Variants in SLC4A4 observed in about 807,000 individuals in gnomAD.
SLC4A4 encodes solute carrier family 4 member 4, also known as electrogenic sodium bicarbonate cotransporter 1.
A neutral mutation model predicts 111.5 loss-of-function variants in SLC4A4; 27 were observed. The observed-to-expected ratio is 0.24, with a 90% confidence interval of 0.18 to 0.33. SLC4A4 has a LOEUF of 0.33. SLC4A4 is among the 10% of genes least tolerant of loss of function. The pLI, the probability that SLC4A4 is intolerant of heterozygous loss-of-function variation, is 1.00. For missense variants in SLC4A4, 909 were observed against 1,315.5 expected (o/e 0.69, Z 4.78); for synonymous variants, 443 against 463.4 (o/e 0.96, Z 0.57).
chr4:71,512,356 A>G (rs1262172470), intron 16 of SLC4A4, among the ~76,000 whole-genome samples: 1 of 152,128 alleles, frequency 6.6e-6, no homozygotes, highest in Non-Finnish European at 1.5e-5. Flanking sequence ...GTAAGATGAT[A>G]TCTCATTGTA....
At chr4:71,254,828 C>A (rs1389864710) in intron 2 of SLC4A4, among the ~76,000 whole-genome samples, 1 of 152,028 alleles carries the variant, frequency 6.6e-6, no homozygotes, top group Non-Finnish European at 1.5e-5. Context: ...AGGGATTACC[C>A]AGTTTAAGTC....
intron 2 of SLC4A4, among the ~76,000 whole-genome samples, chr4:71,240,450 C>G (rs1720119629): frequency 6.6e-6 from 1 of 152,152 alleles, no homozygotes; most frequent in Non-Finnish European, 1.5e-5. Context: ...AAATGTGTCT[C>G]CATTTTTGAG....
intron 1 of SLC4A4, among the ~76,000 whole-genome samples, chr4:71,226,983 TA>T (rs1256903745): frequency 6.6e-6 from 1 of 152,098 alleles, no homozygotes; most frequent in Non-Finnish European, 1.5e-5. Context: ...AAAGAGCTCA[TA>T]ATGTGGTGGG....
At chr4:71,156,505 T>C (rs1235175838) in intron 2 of SLC4A4, among the ~76,000 whole-genome samples, 1 of 152,000 alleles carries the variant, frequency 6.6e-6, no homozygotes, top group African/African-American at 2.4e-5. Context: ...TTAAACTTAT[T>C]GGTATAAAGA....
At chr4:71,303,044 C>T (rs1464682090) in intron 3 of SLC4A4, among the ~76,000 whole-genome samples, 1 of 152,182 alleles carries the variant, frequency 6.6e-6, no homozygotes, top group East Asian at 1.9e-4. Context: ...GTATAAAAAT[C>T]AGGCTGTGCC....
intron 2 of SLC4A4, among the ~76,000 whole-genome samples, chr4:71,150,027 A>G (rs4694091): frequency 0.97 from 148,047 of 152,218 alleles, 72,122 homozygotes; most frequent in East Asian, 1. Flanking sequence ...TTTTATATAC[A>G]TGTGAATATA....
intron 2 of SLC4A4, among the ~76,000 whole-genome samples, chr4:71,105,746 C>T (rs1427215536): frequency 8.1e-6 from 1 of 124,084 alleles, no homozygotes; most frequent in Admixed American, 8.6e-5. Context: ...TGGATCCCTT[C>T]CTTACACCTT....
intron 7 of SLC4A4, among the ~76,000 whole-genome samples, chr4:71,433,013 T>A (rs563220628): frequency 6.6e-6 from 1 of 152,232 alleles, no homozygotes; most frequent in South Asian, 2.1e-4. Flanking sequence ...CCGAAATTCT[T>A]ATCTCCATTC....
At chr4:71,209,942 C>G (rs549409234) in intron 1 of SLC4A4, among the ~76,000 whole-genome samples, 1 of 152,262 alleles carries the variant, frequency 6.6e-6, no homozygotes, top group Non-Finnish European at 1.5e-5. Flanking sequence ...TTTTTGTGGT[C>G]TAACCATGAA....
chr4:71,490,012 A>G (rs1729758456), intron 15 of SLC4A4, among the ~76,000 whole-genome samples: 1 of 151,852 alleles, frequency 6.6e-6, no homozygotes, highest in South Asian at 2.1e-4. Context: ...ATGTCTCAAG[A>G]TAAAAAGGCA....
At chr4:71,256,748 A>C (rs927125603) in intron 3 of SLC4A4, among the ~76,000 whole-genome samples, 1 of 152,202 alleles carries the variant, frequency 6.6e-6, no homozygotes, top group African/African-American at 2.4e-5. Flanking sequence ...AGTCTGGAGG[A>C]ACAAAAGATA....
chr4:71,315,074 G>A (rs563741318), intron 3 of SLC4A4, among the ~76,000 whole-genome samples: 2 of 152,268 alleles, frequency 1.3e-5, no homozygotes, highest in Non-Finnish European at 1.5e-5. Context: ...TAGTATGTTT[G>A]ATTTTCTTGG....
intron 12 of SLC4A4, among the ~76,000 whole-genome samples, chr4:71,465,998 A>G (rs763650600): frequency 1.1e-4 from 17 of 152,126 alleles, no homozygotes; most frequent in Non-Finnish European, 1.9e-4. Flanking sequence ...TAGCTTTTGT[A>G]CATAAAAGAG....
At chr4:71,186,559 CCGGG>C (rs1189749379), upstream of SLC4A4, among the ~76,000 whole-genome samples, 6 of 151,914 alleles carry the variant, frequency 3.9e-5, no homozygotes, top group African/African-American at 1.4e-4. Flanking sequence ...TCCGCCAGCT[CCGGG>C]CGGGCGCTGC....
intron 3 of SLC4A4, among the ~76,000 whole-genome samples, chr4:71,328,096 C>T (rs1727644878): frequency 6.6e-6 from 1 of 151,960 alleles, no homozygotes; most frequent in Non-Finnish European, 1.5e-5. Context: ...ATTTGTCTGG[C>T]TTATTTCACT....
intron 3 of SLC4A4, among the ~76,000 whole-genome samples, chr4:71,305,451 A>G (rs1725604768): frequency 1.3e-5 from 2 of 152,370 alleles, no homozygotes; most frequent in South Asian, 4.1e-4. Flanking sequence ...AGGGTTTAGC[A>G]TGTTAAATGA....
intron 2 of SLC4A4, among the ~76,000 whole-genome samples, chr4:71,247,748 T>G (rs1720783752): frequency 6.6e-6 from 1 of 152,144 alleles, no homozygotes; most frequent in Non-Finnish European, 1.5e-5. Context: ...TGACAGCATG[T>G]GTACTGCATA....
At chr4:71,309,305 C>A (rs903625618) in intron 3 of SLC4A4, among the ~76,000 whole-genome samples, 1 of 152,126 alleles carries the variant, frequency 6.6e-6, no homozygotes, top group African/African-American at 2.4e-5. Flanking sequence ...TTAAACATTC[C>A]TGCCTGCCGG....
intron 4 of SLC4A4, among the ~76,000 whole-genome samples, chr4:71,343,842 T>C (rs976397698): frequency 1.3e-5 from 2 of 152,122 alleles, no homozygotes; most frequent in East Asian, 1.9e-4. Context: ...TGCTTGAGCC[T>C]CACTGGCCAG....
Sources: allele counts gnomAD v4.1 joint callset (sites outside exome capture counted in the v4.1 genomes callset), GRCh38; gene constraint gnomAD v4.1.1; transcripts MANE v1.5; gene names NCBI Gene and HGNC (gene_info 2026-07-23, HGNC 2026-07-21).